Variants in TENM2 observed in about 807,000 individuals in gnomAD.
The protein encoded by TENM2 is teneurin-2.
In TENM2, 52 loss-of-function variants were observed where a neutral mutation model predicts 245.2. The ratio of observed to expected loss-of-function variants is 0.21; its 90% confidence interval spans 0.17 to 0.27. The LOEUF (loss-of-function observed/expected upper bound fraction) is 0.27. Among genes scored for constraint, TENM2 ranks in the 10% least tolerant of loss-of-function variants. The pLI is 1.00. For missense variants in TENM2, 3,046 were observed against 3,666.8 expected (o/e 0.83, Z 4.37); for synonymous variants, 1,363 against 1,438.9 (o/e 0.95, Z 1.19).
At chr5:168,145,631 T>C (rs2152412649) in intron 12 of TENM2, among the ~76,000 whole-genome samples, 1 of 152,274 alleles carries the variant, frequency 6.6e-6, no homozygotes, top group South Asian at 2.1e-4. Context: ...TCCAGCTTTG[T>C]TCTTTTGCTT....
chr5:167,158,235 T>C, the TENM2 span, among the ~76,000 whole-genome samples: 14 of 152,322 alleles, frequency 9.2e-5, no homozygotes, highest in Middle Eastern at 3.4e-3. Context: ...GTGCAACTTA[T>C]TAAGTTATTA....
At chr5:167,125,667 G>T in the TENM2 span, among the ~76,000 whole-genome samples, 1 of 152,038 alleles carries the variant, frequency 6.6e-6, no homozygotes, top group Non-Finnish European at 1.5e-5. Flanking sequence ...ATATACACAC[G>T]CATATACAGA....
chr5:167,862,928 C>G (rs1018982258), intron 2 of TENM2, among the ~76,000 whole-genome samples: 2 of 151,796 alleles, frequency 1.3e-5, no homozygotes, highest in Non-Finnish European at 2.9e-5. Context: ...CATCTTGACA[C>G]TACTACCATT....
chr5:167,106,403 G>C, the TENM2 span, among the ~76,000 whole-genome samples: 44 of 152,284 alleles, frequency 2.9e-4, no homozygotes, highest in African/African-American at 1.0e-3. Context: ...AGCAAGAACG[G>C]TGTAGAAATG....
intron 1 of TENM2, among the ~76,000 whole-genome samples, chr5:167,321,800 T>TTTTTTTTTGTGTG (rs1467480814): frequency 8.2e-5 from 1 of 12,144 alleles, no homozygotes; most frequent in Non-Finnish European, 1.7e-4. Flanking sequence ...TTTTTTTTTT[T>TTTTTTTTTGTGTG]TGGGGGGGGG....
At chr5:167,819,648 C>T (rs1767342913) in intron 2 of TENM2, among the ~76,000 whole-genome samples, 1 of 152,198 alleles carries the variant, frequency 6.6e-6, no homozygotes, top group Non-Finnish European at 1.5e-5. Context: ...CATCATCTTA[C>T]CTTTACCGTG....
At chr5:167,264,479 T>A in the TENM2 span, among the ~76,000 whole-genome samples, 144 of 152,306 alleles carry the variant, frequency 9.5e-4, 1 homozygote, top group South Asian at 0.024. Flanking sequence ...AATTAGATAG[T>A]TGAGCAGCGT....
intron 23 of TENM2, among the ~76,000 whole-genome samples, chr5:168,225,214 GC>G (rs1190965327): frequency 5.3e-5 from 8 of 152,146 alleles, no homozygotes; most frequent in African/African-American, 1.9e-4. Flanking sequence ...ATGCAGCCAG[GC>G]CTTCTATGCT....
chr5:167,019,026 G>A, the TENM2 span, among the ~76,000 whole-genome samples: 8 of 152,228 alleles, frequency 5.3e-5, no homozygotes, highest in South Asian at 1.2e-3. Context: ...TCTCAGGTCT[G>A]GTCTTCAGAC....
At chr5:167,886,901 T>G (rs1774334460) in intron 3 of TENM2, among the ~76,000 whole-genome samples, 1 of 152,232 alleles carries the variant, frequency 6.6e-6, no homozygotes, top group Non-Finnish European at 1.5e-5. Flanking sequence ...CCTCAGTAGT[T>G]AGGCATTGGA....
chr5:167,396,790 G>A (rs1762078610), intron 2 of TENM2, among the ~76,000 whole-genome samples: 1 of 152,100 alleles, frequency 6.6e-6, no homozygotes, highest in African/African-American at 2.4e-5. Context: ...TTCAGTGATT[G>A]ACATACAGAG....
At chr5:167,682,761 C>G (rs1561668246) in intron 2 of TENM2, among the ~76,000 whole-genome samples, 1 of 152,068 alleles carries the variant, frequency 6.6e-6, no homozygotes, top group Non-Finnish European at 1.5e-5. Context: ...ATTAGAGACT[C>G]CCAACTTTAG....
chr5:168,218,623 A>G lies in TENM2; in HGVS notation c.4732A>G (p.Asn1578Asp). The change falls in exon 23 of 29, where the codon AAT (asparagine) becomes GAT (aspartate). Residue 1578 changes from asparagine (N) to aspartate (D), a missense_variant. Physicochemically the swap from Asn to Asp is conservative, Grantham distance 23 (BLOSUM62 1). Around this residue, in one of 2 missense-constraint regions of TENM2, gnomAD observed 2,704 missense variants for 3,331.9 expected, o/e 0.81. Coordinates refer to ENST00000518659, the Ensembl canonical transcript of TENM2. The surrounding 1 kb of genome is among the most constrained non-coding windows in gnomAD (Gnocchi z 5.2). ...GGTCAGCAAGAACAAGCCTGTTCTT[A>G]ATGCCTTCAACCAGTATGAGGCTGC... 1 of 1,614,026 alleles carries G rather than the reference A, an allele frequency of 6.2e-7. No homozygotes were observed.
intron 2 of TENM2, among the ~76,000 whole-genome samples, chr5:167,673,265 A>C (rs1277296607): frequency 6.6e-6 from 1 of 152,044 alleles, no homozygotes; most frequent in Non-Finnish European, 1.5e-5. Context: ...GTATTGTTTC[A>C]ATTTTTGCAA....
chr5:167,580,286 G>A (rs1330822681), intron 2 of TENM2, among the ~76,000 whole-genome samples: 1 of 152,348 alleles, frequency 6.6e-6, no homozygotes, highest in East Asian at 1.9e-4. Flanking sequence ...AGGGAATTAT[G>A]TAGAAAAATC....
At position 167,339,018 on chromosome 5, in the gene TENM2, A is replaced by G. The variant is rs139647797; in HGVS notation, c.227-36180A>G. ...AGTATGCCAAGTTTAGGGGGACACA[A>G]TTCCATCCATAGCATTCCACCCTTG... On this transcript the variant is annotated intron_variant, in intron 1 of 28. Transcript: ENST00000518659. 5.3e-5 allele frequency among the ~76,000 whole-genome samples: 8 copies of G among 152,288 alleles called. No homozygotes were observed. The East Asian group carries it at 5.8e-4, about 11-fold the overall frequency.
chr5:167,734,675 G>A (rs1334102223), intron 2 of TENM2, among the ~76,000 whole-genome samples: 1 of 151,990 alleles, frequency 6.6e-6, no homozygotes, highest in Non-Finnish European at 1.5e-5. Context: ...CAGTACTGTG[G>A]TCTGCATTAA....
chr5:167,605,436 A>G (rs1249012638), intron 2 of TENM2, among the ~76,000 whole-genome samples: 1 of 152,188 alleles, frequency 6.6e-6, no homozygotes, highest in Non-Finnish European at 1.5e-5. Flanking sequence ...ATATCACCTT[A>G]TCCAAAAAGG....
intron 26 of TENM2, among the ~76,000 whole-genome samples, chr5:168,245,820 G>A (rs1029030212): frequency 1.3e-5 from 2 of 152,156 alleles, no homozygotes; most frequent in African/African-American, 4.8e-5. Context: ...TGTTATGCCT[G>A]AAACACAGGA....
Sources: gnomAD v4.1 joint callset for allele counts (sites outside exome capture counted in the v4.1 genomes callset) on GRCh38, gnomAD v4.1.1 for gene constraint, gnomAD v4.1.1 regional missense constraint, Gnocchi (gnomAD v3.1) non-coding constraint, MANE v1.5 for transcripts, NCBI Gene and HGNC (gene_info 2026-07-23, HGNC 2026-07-21) for gene names.